Variants in EIF2A observed in about 807,000 individuals in gnomAD.
The protein encoded by EIF2A is 65 kDa eukaryotic translation initiation factor 2A.
Under a neutral mutation model 75.2 loss-of-function variants are expected in EIF2A, and 62 were observed. The ratio of observed to expected loss-of-function variants is 0.82; its 90% confidence interval spans 0.67 to 1.02. EIF2A has a LOEUF of 1.02. Ranked by LOEUF, EIF2A falls within the 50% of genes least tolerant of loss-of-function variation. The pLI, the probability that EIF2A is intolerant of heterozygous loss-of-function variation, is 0.00. For missense variants in EIF2A, 611 were observed against 677.7 expected, an observed-to-expected ratio of 0.90 and a Z score of 1.09; for synonymous variants, 207 against 239.0, an observed-to-expected ratio of 0.87 and a Z score of 1.23.
rs1725430213 is a variant in EIF2A at position 150,585,562 on chromosome 3, G to A, written c.*1651G>A. On this transcript the variant is annotated 3_prime_UTR_variant, in exon 14 of 14. Transcript: ENST00000460851. Reference sequence around the variant, plus strand: ...ATATTTTGGAGCTCCTTCTATATGAGTCTCTCTCTCTTATCTCTCTCAGGA... The same window carrying A: ...ATATTTTGGAGCTCCTTCTATATGAATCTCTCTCTCTTATCTCTCTCAGGA... 1 of 152,034 alleles carries A rather than the reference G, an allele frequency of 6.6e-6. No homozygotes were observed. The highest frequency in any genetic ancestry group is 6.6e-5 in the Admixed American group (1 of 15,258). 9.4% of individuals were successfully genotyped at this position (152,034 alleles called of 1,614,324 possible).
chr3:150,570,581 G>GA (rs1319447525), intron 9 of EIF2A, among the ~76,000 whole-genome samples: 44 of 139,788 alleles, frequency 3.1e-4, no homozygotes, highest in East Asian at 2.0e-3. Flanking sequence ...AAAAAAAGAA[G>GA]AAGAAAAAAA....
chr3:150,566,113 A>G (rs1317993669), intron 6 of EIF2A: 1 of 152,070 alleles, frequency 6.6e-6, no homozygotes, highest in African/African-American at 2.4e-5. Context: ...CCCATTCTTA[A>G]TGAGCTGTGG....
chr3:150,561,373 T>C (rs1235940006), intron 3 of EIF2A, among the ~76,000 whole-genome samples: 2 of 151,806 alleles, frequency 1.3e-5, no homozygotes, highest in East Asian at 3.9e-4. Context: ...AGGTCAGGAG[T>C]TCAAGGCCAG....
chr3:150,564,007 T>C (rs1295131791), intron 5 of EIF2A, among the ~76,000 whole-genome samples: 2 of 151,948 alleles, frequency 1.3e-5, no homozygotes, highest in East Asian at 1.9e-4. Context: ...TTAGTAGAGA[T>C]GGGGTTTCAC....
rs182919835 is a variant in EIF2A, at chr3:150,579,324, G to T, written c.1498-2294G>T. 3.9e-5 allele frequency among the ~76,000 whole-genome samples: 6 copies of T among 152,074 alleles called. No homozygotes were observed. In the East Asian group the frequency reaches 1.2e-3, roughly 29 times the overall value. On this transcript the variant is annotated intron_variant, in intron 11 of 13. Transcript: ENST00000460851. ...GAGGAGAAACTTAATATTTTCTTTC[G>T]AATTCTCAAAGTGCCCAGTAATTTG...
rs985503763 is a variant in EIF2A, at chr3:150,585,887, A to G, written c.*1976A>G. On this transcript the variant is annotated 3_prime_UTR_variant, in exon 14 of 14. Transcript: ENST00000460851. ...TGTTCTGTCTCTTTGGGCCATGTGA[A>G]GACATGGTGAGAAAGCAGCCAGCTG... 2.6e-5 allele frequency among the ~76,000 whole-genome samples: 4 copies of G among 152,210 alleles called. No homozygotes were observed. Among genetic ancestry groups the G allele is most frequent in the African/African-American group, 9.6e-5 (4 of 41,456 alleles).
intron 9 of EIF2A, among the ~76,000 whole-genome samples, chr3:150,571,217 G>A (rs578064006): frequency 1.3e-5 from 2 of 150,626 alleles, no homozygotes; most frequent in East Asian, 4.1e-4. Context: ...TTGGCTCACT[G>A]CAACCTCTGC....
At chr3:150,551,530 A>G (rs1466407490) in intron 1 of EIF2A, among the ~76,000 whole-genome samples, 1 of 151,706 alleles carries the variant, frequency 6.6e-6, no homozygotes, top group African/African-American at 2.4e-5. Context: ...CCCAGGAGTT[A>G]GAGATCAGCC....
chr3:150,578,141 C>G (rs1050279730), intron 11 of EIF2A, among the ~76,000 whole-genome samples: 2 of 151,950 alleles, frequency 1.3e-5, no homozygotes, highest in Non-Finnish European at 2.9e-5. Flanking sequence ...CTCTGAAACG[C>G]ACTCAACTTA....
At chr3:150,573,584 T>G (rs1457954337) in intron 10 of EIF2A, among the ~76,000 whole-genome samples, 2 of 152,206 alleles carry the variant, frequency 1.3e-5, no homozygotes, top group Non-Finnish European at 2.9e-5. Context: ...AGATTTCTAC[T>G]AAATTGTTGC....
At chr3:150,562,751 A>T in intron 4 of EIF2A, 91 bp downstream of exon 4, 1 of 883,934 alleles carries the variant, frequency 1.1e-6, no homozygotes, top group Non-Finnish European at 1.8e-6. Flanking sequence ...CCTCATAAGA[A>T]AGTAATTAGT....
rs747083981 is a variant in EIF2A at position 150,584,240 on chromosome 3, T to C, written c.*329T>C. The C allele has an allele frequency of 5.4e-6, 1 of 184,042 alleles. No homozygotes were observed. Among genetic ancestry groups the C allele is most frequent in the Non-Finnish European group, 1.1e-5 (1 of 89,824 alleles). 11.4% of individuals were successfully genotyped at this position (184,042 alleles called of 1,614,324 possible). A position where few individuals can be genotyped will look rare whatever the true frequency, so the allele number is the denominator to read the frequency against. On this transcript the variant is annotated 3_prime_UTR_variant, in exon 14 of 14. Coordinates refer to ENST00000460851, the MANE Select transcript of EIF2A (RefSeq NM_032025.5). ...TAAATGAACAAAGACATTTTAAATTTAATCACTGTTTTTATTATAAGTTCC... is the reference window on the plus strand; with the variant it reads ...TAAATGAACAAAGACATTTTAAATTCAATCACTGTTTTTATTATAAGTTCC...
chr3:150,564,525 T>C, intron 6 of EIF2A, 144 bp downstream of exon 6: 1 of 558,338 alleles, frequency 1.8e-6, no homozygotes, highest in Non-Finnish European at 2.9e-6. Context: ...CATAATTCTT[T>C]ATAAGTCTGA....
At position 150,581,722 on chromosome 3, in the gene EIF2A, CAAAAAAATCAAGAACCT is replaced by C; in HGVS notation, c.1606_1622del (p.Lys536GlufsTer78). 1 of 1,557,052 alleles carries C rather than the reference CAAAAAAATCAAGAACCT, an allele frequency of 6.4e-7. No individual in the cohort carries two copies. Among genetic ancestry groups the C allele is most frequent in the Non-Finnish European group, 8.7e-7 (1 of 1,149,916 alleles). ...CAATTTCTGGGGACCCTGAGATAGACAAAAAAATCAAGAACCTAAAGAAGGTGAGAGACTTAAAAACA... is the reference window on the plus strand; with the variant it reads ...CAATTTCTGGGGACCCTGAGATAGACAAAGAAGGTGAGAGACTTAAAAACA... On this transcript the variant is annotated frameshift_variant, in exon 12 of 14. Coordinates refer to ENST00000460851, the MANE Select transcript of EIF2A (RefSeq NM_032025.5). LOFTEE classifies it high-confidence loss of function.
intron 1 of EIF2A, among the ~76,000 whole-genome samples, chr3:150,549,559 C>T (rs190017075): frequency 6.6e-6 from 1 of 152,268 alleles, no homozygotes; most frequent in Admixed American, 6.5e-5. Flanking sequence ...TGCTTTCCTC[C>T]AGATTAAATT....
At chr3:150,581,878 C>G in intron 12 of EIF2A, 132 bp downstream of exon 12, 1 of 1,037,240 alleles carries the variant, frequency 9.6e-7, no homozygotes, top group Non-Finnish European at 1.4e-6. Context: ...TGTTTTCTCA[C>G]TATGAAGCAC....
At chr3:150,555,700 G>A (rs1723525537) in intron 2 of EIF2A, among the ~76,000 whole-genome samples, 1 of 151,902 alleles carries the variant, frequency 6.6e-6, no homozygotes, top group Non-Finnish European at 1.5e-5. Flanking sequence ...ATGAGCCTGG[G>A]CAGTATGGCA....
intron 1 of EIF2A, 37 bp downstream of exon 1, chr3:150,546,867 G>C (rs1408303022): frequency 6.2e-7 from 1 of 1,609,352 alleles, no homozygotes; most frequent in Non-Finnish European, 8.5e-7. Flanking sequence ...TCTTTCTTCA[G>C]ACTAGTTTCT....
At chr3:150,579,938 T>C (rs1725080090) in intron 11 of EIF2A, among the ~76,000 whole-genome samples, 1 of 151,890 alleles carries the variant, frequency 6.6e-6, no homozygotes, top group Admixed American at 6.6e-5. Flanking sequence ...AAACCCTACG[T>C]TGGAGCCAAT....
Sources: allele counts gnomAD v4.1 joint callset (sites outside exome capture counted in the v4.1 genomes callset), GRCh38; gene constraint gnomAD v4.1.1; transcripts MANE v1.5; gene names NCBI Gene and HGNC (gene_info 2026-07-23, HGNC 2026-07-21).